The following COX7B2 variants were observed in gnomAD, a reference collection of about 807,000 sequenced individuals.
COX7B2 encodes cytochrome c oxidase subunit 7B2.
For missense variants in COX7B2, 109 were observed against 95.9 expected, an observed-to-expected ratio of 1.14 and a Z score of -0.57; for synonymous variants, 37 against 32.1, an observed-to-expected ratio of 1.15 and a Z score of -0.51.
At chr4:46,900,612 C>A (rs1429514003) in intron 1 of COX7B2, among the ~76,000 whole-genome samples, 1 of 152,058 alleles carries the variant, frequency 6.6e-6, no homozygotes, top group Non-Finnish European at 1.5e-5. Flanking sequence ...TTTGTGTTCC[C>A]CCCAAAATTC....
At chr4:46,848,255 A>G (rs1716422939) in intron 1 of COX7B2, among the ~76,000 whole-genome samples, 1 of 152,090 alleles carries the variant, frequency 6.6e-6, no homozygotes, top group African/African-American at 2.4e-5. Context: ...GGCTCATTTT[A>G]ATTACTAAAT....
At chr4:46,831,653 TGGCACTCTATCTAGCTAATCTGGA>T (rs1715111744) in intron 2 of COX7B2, among the ~76,000 whole-genome samples, 1 of 152,012 alleles carries the variant, frequency 6.6e-6, no homozygotes, top group African/African-American at 2.4e-5. Flanking sequence ...ATGCACCAGT[TGGCACTCTATCTAGCTAATCTGGA>T]GGGGACTTGG....
chr4:46,833,658 T>C (rs1715317703), intron 2 of COX7B2, among the ~76,000 whole-genome samples: 1 of 152,170 alleles, frequency 6.6e-6, no homozygotes, highest in Non-Finnish European at 1.5e-5. Flanking sequence ...TGATGGGAAT[T>C]GATGACTATG....
intron 2 of COX7B2, among the ~76,000 whole-genome samples, chr4:46,779,140 T>C (rs1717310579): frequency 6.6e-6 from 1 of 152,210 alleles, no homozygotes; most frequent in Non-Finnish European, 1.5e-5. Flanking sequence ...AAATATTACA[T>C]GCTGAAGACT....
rs558334955 is a variant in COX7B2, at chr4:46,830,099, G to C, written c.-50+14861C>G. On this transcript the variant is annotated intron_variant, in intron 2 of 2. Coordinates refer to ENST00000355591, the MANE Select transcript of COX7B2 (RefSeq NM_130902.3). ...CTAGCACTTTGGGAGGCCAAGGCGT[G>C]CAGATCATGAAGTCAGGAGTTCGAG... Among the ~76,000 whole-genome samples the C allele has an allele frequency of 7.9e-5, 12 of 152,238 alleles. No homozygotes were observed. In the East Asian group the frequency reaches 2.3e-3, roughly 29 times the overall value.
chr4:46,850,885 G>T (rs1282885352), intron 1 of COX7B2, among the ~76,000 whole-genome samples: 1 of 152,024 alleles, frequency 6.6e-6, no homozygotes, highest in African/African-American at 2.4e-5. Flanking sequence ...GTAATCTAAG[G>T]ACAAGGAATC....
At chr4:46,778,827 A>G (rs1414064005) in intron 2 of COX7B2, among the ~76,000 whole-genome samples, 3 of 152,170 alleles carry the variant, frequency 2.0e-5, no homozygotes, top group Admixed American at 6.5e-5. Flanking sequence ...TAGTAATTCA[A>G]TAGTTCATCT....
At chr4:46,850,826 T>C (rs1297828020) in intron 1 of COX7B2, among the ~76,000 whole-genome samples, 1 of 152,106 alleles carries the variant, frequency 6.6e-6, no homozygotes, top group Admixed American at 6.6e-5. Context: ...TCAGGCTTTG[T>C]ATTATGTGTC....
intron 2 of COX7B2, among the ~76,000 whole-genome samples, chr4:46,752,434 G>A (rs1331094495): frequency 6.6e-6 from 1 of 151,964 alleles, no homozygotes; most frequent in Non-Finnish European, 1.5e-5. Context: ...TGATTACCCT[G>A]GCCAGAACTT....
chr4:46,854,743 A>G (rs970239912), intron 1 of COX7B2, among the ~76,000 whole-genome samples: 1 of 152,206 alleles, frequency 6.6e-6, no homozygotes, highest in Non-Finnish European at 1.5e-5. Context: ...ATATCCAATA[A>G]GATGCAGTCA....
intron 2 of COX7B2, among the ~76,000 whole-genome samples, chr4:46,818,517 G>C (rs1214096665): frequency 1.3e-5 from 2 of 151,940 alleles, no homozygotes; most frequent in African/African-American, 4.8e-5. Context: ...AGCGCCTGTA[G>C]TCCCAGCTAC....
At chr4:46,763,080 T>TATAA in intron 2 of COX7B2, among the ~76,000 whole-genome samples, 1 of 130,280 alleles carries the variant, frequency 7.7e-6, no homozygotes, top group Non-Finnish European at 1.6e-5. Context: ...ATAATATATA[T>TATAA]TACATATTAT....
At chr4:46,863,529 T>C (rs866375852) in intron 1 of COX7B2, among the ~76,000 whole-genome samples, 5 of 152,346 alleles carry the variant, frequency 3.3e-5, no homozygotes, top group African/African-American at 9.6e-5. Context: ...TCTTAAGATA[T>C]TGATTTGCTC....
chr4:46,843,372 C>G (rs1410573800), intron 2 of COX7B2, among the ~76,000 whole-genome samples: 1 of 152,010 alleles, frequency 6.6e-6, no homozygotes, highest in East Asian at 1.9e-4. Flanking sequence ...AGGACATCCT[C>G]TGAAGTAGTG....
At chr4:46,874,137 T>TA (rs1283132095) in intron 1 of COX7B2, among the ~76,000 whole-genome samples, 3 of 152,014 alleles carry the variant, frequency 2.0e-5, no homozygotes, top group East Asian at 1.9e-4. Context: ...GTCTTTTTTT[T>TA]AAAAAAAGAA....
At chr4:46,870,484 C>A (rs1230176907) in intron 1 of COX7B2, among the ~76,000 whole-genome samples, 1 of 152,034 alleles carries the variant, frequency 6.6e-6, no homozygotes, top group Non-Finnish European at 1.5e-5. Flanking sequence ...AAATCCTAGC[C>A]AGAGCAATTA....
chr4:46,803,379 T>C (rs1016101949), intron 2 of COX7B2, among the ~76,000 whole-genome samples: 4 of 152,164 alleles, frequency 2.6e-5, no homozygotes, highest in Non-Finnish European at 5.9e-5. Flanking sequence ...GGGATATAAT[T>C]ATACTAAAAT....
chr4:46,892,261 T>C (rs1719472792), intron 1 of COX7B2, among the ~76,000 whole-genome samples: 1 of 152,192 alleles, frequency 6.6e-6, no homozygotes, highest in Non-Finnish European at 1.5e-5. Flanking sequence ...ACACTAATTG[T>C]TTATTCAACT....
At chr4:46,891,086 G>A (rs529177505) in intron 1 of COX7B2, among the ~76,000 whole-genome samples, 4 of 152,288 alleles carry the variant, frequency 2.6e-5, no homozygotes, top group East Asian at 1.9e-4. Flanking sequence ...CAGTTTTGCC[G>A]ATGTGGGATG....
Sources: allele counts gnomAD v4.1 joint callset (sites outside exome capture counted in the v4.1 genomes callset), GRCh38; gene constraint gnomAD v4.1.1; transcripts MANE v1.5; gene names NCBI Gene and HGNC (gene_info 2026-07-23, HGNC 2026-07-21).